Variants in KIF6 observed in about 807,000 individuals in gnomAD.
The protein encoded by KIF6 is kinesin family member 6, also known as kinesin-like protein KIF6.
Under a neutral mutation model 112.7 loss-of-function variants are expected in KIF6, and 106 were observed. The ratio of observed to expected loss-of-function variants is 0.94; its 90% CI spans 0.80 to 1.11. The LOEUF is 1.11. Ranked by LOEUF, KIF6 falls within the 50% of genes least tolerant of loss-of-function variation. KIF6 has a pLI of 0.00. For missense variants in KIF6, 929 were observed against 964.0 expected, an observed-to-expected ratio of 0.96 and a Z score of 0.48; for synonymous variants, 339 against 339.9, an observed-to-expected ratio of 1.00 and a Z score of 0.03.
At chr6:39,435,139 C>T (rs560288788) in intron 13 of KIF6, among the ~76,000 whole-genome samples, 68 of 152,132 alleles carry the variant, frequency 4.5e-4, no homozygotes, top group African/African-American at 1.5e-3. Flanking sequence ...GGAAAGTAGG[C>T]CTGACAGAAA....
intron 10 of KIF6, among the ~76,000 whole-genome samples, chr6:39,555,481 G>A (rs1779648976): frequency 1.3e-5 from 2 of 152,160 alleles, no homozygotes; most frequent in Non-Finnish European, 2.9e-5. Flanking sequence ...TACTTGTAGG[G>A]GGTAGGAGTA....
intron 3 of KIF6, among the ~76,000 whole-genome samples, chr6:39,700,828 T>C (rs572354644): frequency 2.0e-5 from 3 of 151,900 alleles, no homozygotes; most frequent in Non-Finnish European, 4.4e-5. Flanking sequence ...TTCTCATACC[T>C]CAACCTCCCG....
At chr6:39,511,104 A>C (rs185449789) in intron 13 of KIF6, among the ~76,000 whole-genome samples, 1 of 152,278 alleles carries the variant, frequency 6.6e-6, no homozygotes, top group East Asian at 1.9e-4. Context: ...ACTACCACAC[A>C]ATAATAATGG....
chr6:39,519,992 A>G (rs1777298116), intron 13 of KIF6, among the ~76,000 whole-genome samples: 2 of 152,336 alleles, frequency 1.3e-5, no homozygotes, highest in African/African-American at 4.8e-5. Context: ...ACTGCACTCC[A>G]GCCTGGGCAA....
At chr6:39,603,315 C>G (rs982418366) in intron 6 of KIF6, among the ~76,000 whole-genome samples, 1 of 152,122 alleles carries the variant, frequency 6.6e-6, no homozygotes, top group Non-Finnish European at 1.5e-5. Context: ...GGACACTTTA[C>G]ATAACATCAA....
chr6:39,466,125 G>T (rs1773770627), intron 13 of KIF6, among the ~76,000 whole-genome samples: 1 of 152,208 alleles, frequency 6.6e-6, no homozygotes, highest in Non-Finnish European at 1.5e-5. Flanking sequence ...TTAACACAGG[G>T]TCTCACGTGT....
intron 19 of KIF6, among the ~76,000 whole-genome samples, chr6:39,348,923 CG>C (rs575430296): frequency 1.1e-4 from 17 of 152,300 alleles, no homozygotes; most frequent in South Asian, 4.1e-4. Context: ...GGGCACTGAC[CG>C]GGCAACATTT....
intron 16 of KIF6, 73 bp downstream of exon 16, chr6:39,385,549 G>T: frequency 8.1e-7 from 1 of 1,235,076 alleles, no homozygotes; most frequent in Non-Finnish European, 1.2e-6. Context: ...TCTTTTAGCT[G>T]GGTTTGGATT....
At chr6:39,648,231 G>A (rs1047491357) in intron 3 of KIF6, among the ~76,000 whole-genome samples, 2 of 131,510 alleles carry the variant, frequency 1.5e-5, no homozygotes, top group Non-Finnish European at 3.3e-5. Flanking sequence ...GGCGGGGGGG[G>A]GTGCCTCACC....
At chr6:39,360,688 T>C (rs1765063970) in intron 17 of KIF6, among the ~76,000 whole-genome samples, 158 bp from the exon 18 acceptor site, 1 of 152,174 alleles carries the variant, frequency 6.6e-6, no homozygotes, top group Non-Finnish European at 1.5e-5. Flanking sequence ...GGCCAGGCTA[T>C]GGCACCAGGG....
intron 3 of KIF6, among the ~76,000 whole-genome samples, chr6:39,646,059 T>C (rs1785153944): frequency 6.6e-6 from 1 of 151,782 alleles, no homozygotes; most frequent in African/African-American, 2.4e-5. Context: ...ACATGGCACA[T>C]GTATACATAT....
intron 3 of KIF6, among the ~76,000 whole-genome samples, chr6:39,670,861 A>C (rs1786775367): frequency 6.6e-6 from 1 of 152,200 alleles, no homozygotes. Context: ...AACCAACCAT[A>C]TGAGGGCATT....
chr6:39,546,565 C>G (rs1463067913), intron 10 of KIF6, among the ~76,000 whole-genome samples: 1 of 152,190 alleles, frequency 6.6e-6, no homozygotes. Context: ...GTGGCTCACA[C>G]TTGTAATCCC....
chr6:39,515,390 A>T (rs1777018496), intron 13 of KIF6, among the ~76,000 whole-genome samples: 1 of 152,164 alleles, frequency 6.6e-6, no homozygotes, highest in Non-Finnish European at 1.5e-5. Flanking sequence ...ACCCACATGA[A>T]CTTGGCCCAC....
intron 15 of KIF6, among the ~76,000 whole-genome samples, chr6:39,390,212 A>G: frequency 6.6e-6 from 1 of 152,158 alleles, no homozygotes; most frequent in South Asian, 2.1e-4. Flanking sequence ...GCTATATCTC[A>G]AGATCTTTCA....
At chr6:39,399,517 G>A (rs1367231536) in intron 15 of KIF6, among the ~76,000 whole-genome samples, 1 of 152,238 alleles carries the variant, frequency 6.6e-6, no homozygotes, top group African/African-American at 2.4e-5. Flanking sequence ...GGTCACTGGG[G>A]GGAGTCCCAC....
chr6:39,662,581 A>C (rs921337869), intron 3 of KIF6, among the ~76,000 whole-genome samples: 4 of 152,196 alleles, frequency 2.6e-5, no homozygotes, highest in African/African-American at 9.7e-5. Flanking sequence ...GCTTTTATAG[A>C]GACAATATCA....
intron 1 of KIF6, among the ~76,000 whole-genome samples, chr6:39,725,038 T>C (rs1282085416): frequency 6.6e-6 from 1 of 152,040 alleles, no homozygotes; most frequent in Non-Finnish European, 1.5e-5. Flanking sequence ...CAGGTAGGAG[T>C]GGCCTGGCTG....
intron 6 of KIF6, among the ~76,000 whole-genome samples, chr6:39,605,612 GT>G: frequency 6.6e-6 from 1 of 152,142 alleles, no homozygotes; most frequent in South Asian, 2.1e-4. Flanking sequence ...AATATATACT[GT>G]GAAACTTTAT....
Sources: allele counts gnomAD v4.1 joint callset (sites outside exome capture counted in the v4.1 genomes callset), GRCh38; gene constraint gnomAD v4.1.1; transcripts MANE v1.5; gene names NCBI Gene and HGNC (gene_info 2026-07-23, HGNC 2026-07-21).